The following PCDH11X variants were observed in gnomAD, a reference collection of about 807,000 sequenced individuals.
The protein encoded by PCDH11X is protocadherin 11 X-linked, also known as protocadherin-11 X-linked.
Under a neutral mutation model 53.3 loss-of-function variants are expected in PCDH11X, and 18 were observed. That is an observed-to-expected ratio of 0.34 (90% confidence interval 0.23 to 0.50). The LOEUF (loss-of-function observed/expected upper bound fraction) is 0.50, where lower values mean the gene tolerates loss of function less well. Ranked by LOEUF, PCDH11X falls within the 20% of genes least tolerant of loss-of-function variation. The pLI is 0.98. For synonymous variants in PCDH11X, 279 were observed against 393.3 expected, an observed-to-expected ratio of 0.71 and a Z score of 3.44; for missense variants, 570 against 1,032.4, an observed-to-expected ratio of 0.55 and a Z score of 6.14.
chrX:91,899,056 A>T (rs1271582988), intron 6 of PCDH11X, among the ~76,000 whole-genome samples: 1 of 111,691 alleles, frequency 9.0e-6, no homozygotes, highest in African/African-American at 3.3e-5. Flanking sequence ...CAGAACCAAT[A>T]GTATAGATGT....
At chrX:92,499,718 A>G (rs1269691864) in intron 10 of PCDH11X, among the ~76,000 whole-genome samples, 2 of 100,242 alleles carry the variant, frequency 2.0e-5, no homozygotes, top group Non-Finnish European at 4.0e-5. Flanking sequence ...TATAGTCCCA[A>G]CTACTCACAA....
intron 10 of PCDH11X, among the ~76,000 whole-genome samples, chrX:92,559,832 C>A (rs1384270410): frequency 9.0e-6 from 1 of 110,777 alleles, no homozygotes; most frequent in East Asian, 2.8e-4. Flanking sequence ...CCATCACAAA[C>A]CGAATTGCTC....
chrX:92,395,166 A>T (rs1296527369), intron 9 of PCDH11X, among the ~76,000 whole-genome samples: 1 of 111,208 alleles, frequency 9.0e-6, no homozygotes, highest in Non-Finnish European at 1.9e-5. Context: ...TATATTGGAA[A>T]TGTTTGTATG....
intron 9 of PCDH11X, among the ~76,000 whole-genome samples, chrX:92,393,122 AAAAAG>A (rs1413849733): frequency 1.8e-5 from 2 of 110,685 alleles, no homozygotes; most frequent in African/African-American, 6.5e-5. Flanking sequence ...GTATTACAAT[AAAAAG>A]AAAAGTGAAT....
chrX:91,871,148 G>T (rs770875381), intron 5 of PCDH11X, among the ~76,000 whole-genome samples: 2 of 109,004 alleles, frequency 1.8e-5, no homozygotes, highest in South Asian at 7.8e-4. Flanking sequence ...ATTTTTAGTG[G>T]AATGAAAGTG....
At chrX:91,960,302 TTTG>T (rs777163316) in intron 6 of PCDH11X, among the ~76,000 whole-genome samples, 3 of 111,369 alleles carry the variant, frequency 2.7e-5, no homozygotes, top group East Asian at 5.7e-4. Context: ...TATTTTTGCT[TTTG>T]TTGTTGTACT....
chrX:92,575,934 T>TACACACACACACACAC (rs1353338801), intron 10 of PCDH11X, among the ~76,000 whole-genome samples: 1 of 23,578 alleles, frequency 4.2e-5, no homozygotes, highest in African/African-American at 2.3e-4. Flanking sequence ...TATATATATA[T>TACACACACACACACAC]ATATATATAT....
intron 6 of PCDH11X, among the ~76,000 whole-genome samples, chrX:92,146,469 T>C (rs912925045): frequency 5.1e-4 from 57 of 111,504 alleles, no homozygotes; most frequent in Non-Finnish European, 1.1e-3. Context: ...GCCTTTATAT[T>C]CTATAAGCAC....
intron 10 of PCDH11X, among the ~76,000 whole-genome samples, chrX:92,508,583 T>G: frequency 9.0e-6 from 1 of 110,996 alleles, no homozygotes; most frequent in East Asian, 2.8e-4. Flanking sequence ...AATGCTTTAT[T>G]GATATTTTAA....
chrX:91,971,761 T>C (rs1319341019), intron 6 of PCDH11X, among the ~76,000 whole-genome samples: 1 of 111,837 alleles, frequency 8.9e-6, no homozygotes, highest in Non-Finnish European at 1.9e-5. Flanking sequence ...GTTTTAAGCA[T>C]TGAAAGCTTA....
At chrX:92,358,806 T>A (rs1172985005) in intron 8 of PCDH11X, among the ~76,000 whole-genome samples, 2 of 109,024 alleles carry the variant, frequency 1.8e-5, no homozygotes, top group Admixed American at 1.0e-4. Flanking sequence ...GAATTTGAGA[T>A]CTGTAGGTTC....
intron 9 of PCDH11X, among the ~76,000 whole-genome samples, chrX:92,434,153 A>G (rs766818436): frequency 9.0e-6 from 1 of 110,945 alleles, no homozygotes; most frequent in South Asian, 3.8e-4. Context: ...CTATTTATCT[A>G]TCTTCCTATT....
At chrX:92,607,385 A>G (rs1569509973) in intron 10 of PCDH11X, among the ~76,000 whole-genome samples, 1 of 111,554 alleles carries the variant, frequency 9.0e-6, no homozygotes, top group Non-Finnish European at 1.9e-5. Flanking sequence ...CTGTCCGAAT[A>G]AAGGATTGCA....
At chrX:92,238,611 TTGCTGC>T (rs2067211253) in intron 7 of PCDH11X, among the ~76,000 whole-genome samples, 1 of 111,709 alleles carries the variant, frequency 9.0e-6, no homozygotes, top group Non-Finnish European at 1.9e-5. Flanking sequence ...ATTCTAGATG[TTGCTGC>T]TGCTGCTGTT....
chrX:91,818,271 C>A (rs1376286655), intron 4 of PCDH11X, among the ~76,000 whole-genome samples: 1 of 110,885 alleles, frequency 9.0e-6, no homozygotes, highest in Admixed American at 9.6e-5. Context: ...TTTCTTTTTT[C>A]GTAATCTCTT....
At chrX:91,825,491 C>T (rs1158866817) in intron 4 of PCDH11X, among the ~76,000 whole-genome samples, 2 of 112,127 alleles carry the variant, frequency 1.8e-5, no homozygotes, top group African/African-American at 6.5e-5. Context: ...CTCCCTGACC[C>T]CTTGCACTTT....
chrX:92,034,569 T>C (rs2063100104), intron 6 of PCDH11X, among the ~76,000 whole-genome samples: 1 of 106,199 alleles, frequency 9.4e-6, no homozygotes. Context: ...CTCCTGCTCT[T>C]TTTTGGTTTC....
chrX:92,280,143 G>A (rs1383454148), intron 8 of PCDH11X, among the ~76,000 whole-genome samples: 1 of 112,211 alleles, frequency 8.9e-6, no homozygotes, highest in Non-Finnish European at 1.9e-5. Context: ...AAGCACACAT[G>A]CAAACATACT....
chrX:91,967,824 T>C (rs1223787724), intron 6 of PCDH11X, among the ~76,000 whole-genome samples: 2 of 112,333 alleles, frequency 1.8e-5, no homozygotes, highest in Non-Finnish European at 3.8e-5. Context: ...AACTTAGTTG[T>C]ACAACAAATC....
Sources: allele counts gnomAD v4.1 joint callset (sites outside exome capture counted in the v4.1 genomes callset), GRCh38; gene constraint gnomAD v4.1.1; transcripts MANE v1.5; gene names NCBI Gene and HGNC (gene_info 2026-07-23, HGNC 2026-07-21).